Variants in TTN observed in about 807,000 individuals in gnomAD.
The protein encoded by TTN is titin, also known as connectin.
A neutral mutation model predicts 3,223.0 loss-of-function variants in TTN; 1,525 were observed. That is an observed-to-expected ratio of 0.47 (90% confidence interval 0.45 to 0.49). The LOEUF (loss-of-function observed/expected upper bound fraction) is 0.49, where lower values mean the gene tolerates loss of function less well. TTN is among the 20% of genes least tolerant of loss of function. TTN has a pLI of 0.00. For synonymous variants in TTN, 14,094 were observed against 15,161.0 expected (o/e 0.93, Z 5.17); for missense variants, 40,786 against 43,424.0 (o/e 0.94, Z 5.40).
rs374913031 is a variant in TTN, at chr2:178,569,330, G to A, written c.76802C>T (p.Thr25601Met). 2.0e-5 allele frequency: 33 copies of A among 1,613,138 alleles called. No individual in the cohort carries two copies. The highest frequency in any genetic ancestry group is 2.0e-4 in the South Asian group (18 of 90,976). ...TTTCAGGTTAACAGGTGGACTTGGC[G>A]TGTCCAGAACTCTCACAGTAACAAA... ...SAFVTVRVLD[T>M]PSPPVNLKVT... Residue 25601 changes from threonine to methionine, a missense_variant, in exon 326 of 363, where the codon ACG (threonine) becomes ATG (methionine). Transcript: ENST00000589042.
Position 178,719,439 on chromosome 2 carries a change from G to A in TTN, c.23951C>T (p.Pro7984Leu). 1.2e-6 allele frequency: 2 copies of A among 1,612,284 alleles called. No individual in the cohort carries two copies. Among genetic ancestry groups the A allele is most frequent in the Non-Finnish European group, 1.7e-6 (2 of 1,178,762 alleles). The change falls in exon 83 of 363, where the codon CCT becomes CTT. Residue 7984 changes from proline (P) to leucine (L), a missense_variant. Coordinates refer to ENST00000589042, the MANE Select transcript of TTN (RefSeq NM_001267550.2). ...TTTCAGCTTGCGGATGAAGGAAGGA[G>A]GCACAATCCGATCTATGTGGGGAAG... ...VSVHVSDRIV[P>L]PSFIRKLKDV...
Position 178,530,232 on chromosome 2 carries a change from A to C in TTN, c.106374+9T>G. ...AGATAAAAGAAAGAGACATTTAAGA[A>C]CTGGTTACCTTTCCATCTTTTGTCC... is the stretch of plus-strand genomic sequence containing the variant. On this transcript the variant is annotated intron_variant, in intron 358 of 362. Coordinates refer to ENST00000589042, the MANE Select transcript of TTN (RefSeq NM_001267550.2). 6.3e-7 allele frequency: 1 copy of C among 1,578,666 alleles called. No homozygotes were observed. Among genetic ancestry groups the C allele is most frequent in the Non-Finnish European group, 8.6e-7 (1 of 1,165,658 alleles).
rs748940985 is a variant in TTN, at chr2:178,568,480, T to G, written c.77652A>C (p.Glu25884Asp). ...NVVGQKTASI[E>D]IVTLDKPDPP... is the part of the protein sequence containing the mutation. ...GATCAGGTTTATCTAGAGTTACAAT[T>G]TCGATGGATGCTGTCTTCTGACCAA... The change falls in exon 326 of 363, where the codon GAA becomes GAC. Residue 25884 changes from glutamate (E) to aspartate (D), a missense_variant. Glu to Asp is a conservative substitution (Grantham distance 45). Coordinates refer to ENST00000589042, the MANE Select transcript of TTN (RefSeq NM_001267550.2). 21 of 1,613,410 alleles carry G rather than the reference T, an allele frequency of 1.3e-5. No individual in the cohort carries two copies. Among genetic ancestry groups the G allele is most frequent in the Non-Finnish European group, 1.6e-5 (19 of 1,179,580 alleles).
rs901781480 is a variant in TTN at position 178,618,091 on chromosome 2, AC to A, written c.47270-11del. 2 of 1,611,312 alleles carry A rather than the reference AC, an allele frequency of 1.2e-6. No individual in the cohort carries two copies. Among genetic ancestry groups the A allele is most frequent in the African/African-American group, 2.7e-5 (2 of 74,728 alleles). On this transcript the variant is annotated splice_polypyrimidine_tract_variant and intron_variant, in intron 252 of 362. Transcript: ENST00000589042. ...GGAGGGCCTGGAACATCTGGATTTCACCACAGAAGAAGAAAATATGAGTTTG... is the reference window on the plus strand; with the variant it reads ...GGAGGGCCTGGAACATCTGGATTTCACACAGAAGAAGAAAATATGAGTTTG...
In TTN at chr2:178,665,452, C is replaced by A; in HGVS notation, c.35968G>T (p.Ala11990Ser). The change falls in exon 165 of 363, where the codon GCT (alanine) becomes TCT (serine). Residue 11990 changes from alanine to serine, a missense_variant. By Grantham distance (99) the Ala-to-Ser change is moderately conservative. Coordinates refer to ENST00000589042, the MANE Select transcript of TTN (RefSeq NM_001267550.2). ...ATTTCAGGGACAACTTCTTTCATAG[C>A]TTCTGGTGCTTTGAAGATATTAGTA... ...IEIPPTKAPE[A>S]MKEVVPEMKI... 6.2e-7 allele frequency: 1 copy of A among 1,612,218 alleles called. No individual in the cohort carries two copies. The highest frequency in any genetic ancestry group is 1.1e-5 in the South Asian group (1 of 91,066).
chr2:178,541,708 T>A (rs1694609231), intron 349 of TTN, 124 bp from the exon 350 acceptor site: 1 of 651,784 alleles, frequency 1.5e-6, no homozygotes, highest in South Asian at 7.5e-5. Context: ...ACATGACTAT[T>A]TTTCCAATAG....
chr2:178,779,788 T>C (rs2154348058), intron 22 of TTN: 1 of 577,254 alleles, frequency 1.7e-6, no homozygotes, highest in Non-Finnish European at 3.0e-6. Flanking sequence ...AGCCCTATTT[T>C]TAAAGTCACA....
At chr2:178,621,404 T>C (rs1290162433) in intron 245 of TTN, 36 bp from the exon 246 acceptor site, 1 of 1,607,040 alleles carries the variant, frequency 6.2e-7, no homozygotes, top group Non-Finnish European at 8.5e-7. Context: ...TAGAAACATA[T>C]GTCTTTGTAC....
Position 178,532,403 on chromosome 2 carries a change from C to T in TTN, c.104212G>A (p.Glu34738Lys). The T allele has an allele frequency of 6.2e-7, 1 of 1,613,986 alleles. No homozygotes were observed. Among genetic ancestry groups the T allele is most frequent in the East Asian group, 2.2e-5 (1 of 44,882 alleles). Residue 34738 changes from glutamate (E) to lysine (K), a missense_variant, in exon 358 of 363, where the codon GAA becomes AAA. Glu to Lys is a moderately conservative substitution (Grantham distance 56, BLOSUM62 1). Coordinates refer to ENST00000589042, the MANE Select transcript of TTN (RefSeq NM_001267550.2). ...AGTTCTGCATAACTTGTACTAGCTT[C>T]AGCCTTCGTTGGGATGTGATAGGTT... ...YSTYHIPTKAEASTSYAELRE... is the reference protein window; with the variant it reads ...YSTYHIPTKAKASTSYAELRE...
intron 98 of TTN, 88 bp downstream of exon 98, chr2:178,710,547 T>C: frequency 4.2e-6 from 6 of 1,427,678 alleles, no homozygotes; most frequent in Middle Eastern, 2.6e-4. Flanking sequence ...ATGTCCTAAA[T>C]TGCATTCATC....
In TTN at chr2:178,665,716, G is replaced by A. The variant is rs2065816286; in HGVS notation, c.35951C>T (p.Pro11984Leu). Reference sequence around the variant, plus strand: ...GGCAGGATGAACGATACCTTTAGTGGGAGGTATTTCAATTTCAAGGGGAGC... The same window carrying A: ...GGCAGGATGAACGATACCTTTAGTGAGAGGTATTTCAATTTCAAGGGGAGC... ...MAAPLEIEIP[P>L]TKAPEAMKEV... is the part of the protein sequence containing the mutation. The change falls in exon 164 of 363, where the codon CCC becomes CTC. Residue 11984 changes from proline to leucine, a missense_variant. Coordinates refer to ENST00000589042, the MANE Select transcript of TTN (RefSeq NM_001267550.2). 7.5e-7 allele frequency: 1 copy of A among 1,334,406 alleles called. No homozygotes were observed. Among genetic ancestry groups the A allele is most frequent in the Non-Finnish European group, 9.5e-7 (1 of 1,048,034 alleles). 82.7% of individuals were successfully genotyped at this position (1,334,406 alleles called of 1,614,324 possible). A position where few individuals can be genotyped will look rare whatever the true frequency, so the allele number is the denominator to read the frequency against.
At chr2:178,725,314 A>G in intron 71 of TTN, 54 bp downstream of exon 71, 2 of 1,417,576 alleles carry the variant, frequency 1.4e-6, no homozygotes, top group African/African-American at 1.4e-5. Flanking sequence ...AGTAACTCTT[A>G]GTAATTCATT....
chr2:178,770,481 T>C lies in TTN; in HGVS notation c.8311A>G (p.Ile2771Val), dbSNP rs1416391085. The C allele has an allele frequency of 6.2e-7, 1 of 1,614,066 alleles. No homozygotes were observed. The highest frequency in any genetic ancestry group is 8.5e-7 in the Non-Finnish European group (1 of 1,180,028). The change falls in exon 35 of 363, where the codon ATC (isoleucine) becomes GTC (valine). Residue 2771 changes from isoleucine to valine, a missense_variant. Coordinates refer to ENST00000589042, the MANE Select transcript of TTN (RefSeq NM_001267550.2). Reference protein sequence around the residue: ...IYSLRIKNCAIVDESVYGFRL... With the variant: ...IYSLRIKNCAVVDESVYGFRL... Reference sequence around the variant, plus strand: ...AAGCCATAAACAGACTCATCCACGATGGCACAGTTTTTAATCCTCAGAGAG... The same window carrying C: ...AAGCCATAAACAGACTCATCCACGACGGCACAGTTTTTAATCCTCAGAGAG...
At position 178,548,361 on chromosome 2, in the gene TTN, G is replaced by A. The variant is rs766670903; in HGVS notation, c.93265C>T (p.Arg31089Cys). 17 of 1,613,822 alleles carry A rather than the reference G, an allele frequency of 1.1e-5. No individual in the cohort carries two copies. The South Asian group carries it at 1.1e-4, about 10-fold the overall frequency. The change falls in exon 339 of 363, where the codon CGT becomes TGT. Residue 31089 changes from arginine (R) to cysteine (C), a missense_variant. Transcript: ENST00000589042. The surrounding 1 kb of genome is among the most constrained non-coding windows in gnomAD (Gnocchi z 4.3). Reference sequence around the variant, plus strand: ...CCATACTCATTTACTGCAGAAACACGGAAATAGTACGGAACACCTTCGGCC... The same window carrying A: ...CCATACTCATTTACTGCAGAAACACAGAAATAGTACGGAACACCTTCGGCC... ...DLAEGVPYYFRVSAVNEYGVG... is the reference protein window; with the variant it reads ...DLAEGVPYYFCVSAVNEYGVG...
At chr2:178,751,150 G>C in intron 47 of TTN, 1 of 1,612,602 alleles carries the variant, frequency 6.2e-7, no homozygotes, top group Non-Finnish European at 8.5e-7. Flanking sequence ...ACATAGATCT[G>C]ATTTTCATGT....
rs2070376974 is a variant in TTN, at chr2:178,684,726, C to A, written c.32578G>T (p.Val10860Phe). ...PKVPEEPKKPVPEKKVPPKVI... is the reference protein window; with the variant it reads ...PKVPEEPKKPFPEKKVPPKVI... ...TTTGGAGGAACCTTTTTTTCTGGAA[C>A]TGGTTTCTTTGGCTCTTCTGGCACT... Residue 10860 changes from valine (V) to phenylalanine (F), a missense_variant, in exon 131 of 363, where the codon GTT becomes TTT. Physicochemically the swap from Val to Phe is conservative, Grantham distance 50. Coordinates refer to ENST00000589042, the MANE Select transcript of TTN (RefSeq NM_001267550.2). 1 of 1,613,062 alleles carries A rather than the reference C, an allele frequency of 6.2e-7. No homozygotes were observed. Among genetic ancestry groups the A allele is most frequent in the African/African-American group, 1.3e-5 (1 of 74,916 alleles).
Position 178,534,810 on chromosome 2 carries a change from A to G in TTN, c.101805T>C (p.Ile33935=). 6.2e-7 allele frequency: 1 copy of G among 1,611,418 alleles called. No individual in the cohort carries two copies. Among genetic ancestry groups the G allele is most frequent in the Non-Finnish European group, 8.5e-7 (1 of 1,179,818 alleles). Residue 33935 remains isoleucine, a synonymous_variant, in exon 358 of 363, where the codon ATT becomes ATC. Coordinates refer to ENST00000589042, the MANE Select transcript of TTN (RefSeq NM_001267550.2). ...EALQFLHSHN[I]GHFDIRPENI... ...TTTCTGGTCTAATGTCAAAGTGTCC[A>G]ATATTATGACTGTGTAAAAACTGAA...
intron 144 of TTN, 79 bp downstream of exon 144, chr2:178,678,335 G>A: frequency 1.3e-6 from 2 of 1,500,320 alleles, no homozygotes; most frequent in Non-Finnish European, 9.0e-7. Flanking sequence ...AATGTACAAT[G>A]TAATGGGGAA....
In TTN at chr2:178,629,662, C is replaced by G. The variant is rs188668536; in HGVS notation, c.44282-219G>C. 3.3e-5 allele frequency among the ~76,000 whole-genome samples: 5 copies of G among 152,230 alleles called. No individual in the cohort carries two copies. In the East Asian group the frequency reaches 9.7e-4, roughly 30 times the overall value. ...GTAGGGGCCCTTTCGTTCTGACGTA[C>G]AAGGTCAGCGAGAAATCTGTGCTGC... On this transcript the variant is annotated intron_variant, in intron 239 of 362. Coordinates refer to ENST00000589042, the MANE Select transcript of TTN (RefSeq NM_001267550.2).
Sources: allele counts gnomAD v4.1 joint callset (sites outside exome capture counted in the v4.1 genomes callset), GRCh38; gene constraint gnomAD v4.1.1; non-coding constraint Gnocchi (gnomAD v3.1); transcripts MANE v1.5; gene names NCBI Gene and HGNC (gene_info 2026-07-23, HGNC 2026-07-21).